Variants in KLF8 observed in about 807,000 individuals in gnomAD.
The protein encoded by KLF8 is KLF transcription factor 8, also known as Krueppel-like factor 8.
Under a neutral mutation model 18.2 loss-of-function variants are expected in KLF8, and 10 were observed. The observed-to-expected ratio is 0.55, with a 90% CI of 0.34 to 0.93. The LOEUF (loss-of-function observed/expected upper bound fraction) is 0.93. Among genes scored for constraint, KLF8 ranks in the 40% least tolerant of loss-of-function variants. KLF8 has a pLI of 0.02. For missense variants in KLF8, 264 were observed against 277.9 expected, an observed-to-expected ratio of 0.95 and a Z score of 0.36; for synonymous variants, 109 against 97.3, an observed-to-expected ratio of 1.12 and a Z score of -0.71.
At chrX:56,280,414 T>G (rs1311706038) in intron 5 of KLF8, among the ~76,000 whole-genome samples, 1 of 111,612 alleles carries the variant, frequency 9.0e-6, no homozygotes, top group Non-Finnish European at 1.9e-5. Flanking sequence ...TGTTTATTTT[T>G]TTGTAGAAAT....
At chrX:55,940,329 C>A in the KLF8 span, among the ~76,000 whole-genome samples, 4 of 111,568 alleles carry the variant, frequency 3.6e-5, no homozygotes, top group East Asian at 5.6e-4. Flanking sequence ...ATTCAACAAC[C>A]CTTCATGCTA....
At chrX:56,088,745 G>A in the KLF8 span, among the ~76,000 whole-genome samples, 2 of 111,237 alleles carry the variant, frequency 1.8e-5, no homozygotes, top group Non-Finnish European at 3.8e-5. Flanking sequence ...ATTGTACAGA[G>A]CCTTTCTCAC....
the KLF8 span, among the ~76,000 whole-genome samples, chrX:56,207,204 C>T: frequency 8.9e-6 from 1 of 112,553 alleles, no homozygotes. Context: ...CTCTGACATG[C>T]CCTGGAGACA....
the KLF8 span, among the ~76,000 whole-genome samples, chrX:56,031,672 C>T: frequency 2.7e-5 from 3 of 111,696 alleles, no homozygotes; most frequent in Admixed American, 9.5e-5. Flanking sequence ...GGGGCTGCCT[C>T]GGCTGTCCAT....
At chrX:56,050,269 C>T in the KLF8 span, among the ~76,000 whole-genome samples, 11 of 111,683 alleles carry the variant, frequency 9.8e-5, no homozygotes, top group African/African-American at 3.6e-4. Context: ...CTATTTCCTT[C>T]AGTTCTGCTG....
chrX:56,090,247 G>T, the KLF8 span, among the ~76,000 whole-genome samples: 2 of 111,906 alleles, frequency 1.8e-5, no homozygotes, highest in African/African-American at 6.5e-5. Context: ...TTTAGTATAT[G>T]ACAAATAGAG....
the KLF8 span, among the ~76,000 whole-genome samples, chrX:56,180,800 A>C: frequency 8.9e-6 from 1 of 112,055 alleles, no homozygotes; most frequent in Non-Finnish European, 1.9e-5. Context: ...CCTGAGTTCT[A>C]ATTTGATTGC....
At chrX:56,207,876 G>A in the KLF8 span, among the ~76,000 whole-genome samples, 5 of 110,456 alleles carry the variant, frequency 4.5e-5, no homozygotes, top group East Asian at 5.7e-4. Flanking sequence ...CCCAAGACTG[G>A]GTAATTTATA....
At chrX:55,908,262 C>T in the KLF8 span, 1 of 262,274 alleles carries the variant, frequency 3.8e-6, no homozygotes, top group Non-Finnish European at 6.8e-6. Context: ...TAGCAAACAA[C>T]CTCAGCTTCA....
chrX:56,240,276 C>A (rs1361431045), intron 1 of KLF8, among the ~76,000 whole-genome samples: 1 of 112,086 alleles, frequency 8.9e-6, no homozygotes, highest in East Asian at 2.8e-4. Context: ...TGTCTTGGTG[C>A]TCCTGAGCCA....
chrX:56,065,895 T>A, the KLF8 span, among the ~76,000 whole-genome samples: 1 of 111,954 alleles, frequency 8.9e-6, no homozygotes, highest in Non-Finnish European at 1.9e-5. Context: ...TGGATGTGAA[T>A]GCCAAGTATG....
At chrX:56,211,789 A>G in the KLF8 span, among the ~76,000 whole-genome samples, 2 of 110,913 alleles carry the variant, frequency 1.8e-5, no homozygotes, top group Admixed American at 1.9e-4. Context: ...AAGGCAAAAG[A>G]TCCTAGAGCC....
intron 2 of KLF8, among the ~76,000 whole-genome samples, chrX:56,260,032 C>T (rs1353274103): frequency 9.0e-6 from 1 of 110,917 alleles, no homozygotes; most frequent in Non-Finnish European, 1.9e-5. Flanking sequence ...TTCCTTACCT[C>T]TTCCAGCTTC....
At chrX:56,280,106 T>C (rs1045267099) in intron 5 of KLF8, among the ~76,000 whole-genome samples, 1 of 112,228 alleles carries the variant, frequency 8.9e-6, no homozygotes, top group South Asian at 3.7e-4. Flanking sequence ...TTTGCAATCA[T>C]ACAAAGCAGG....
chrX:56,086,124 T>A, the KLF8 span, among the ~76,000 whole-genome samples: 2 of 112,097 alleles, frequency 1.8e-5, no homozygotes, highest in Admixed American at 1.9e-4. Context: ...CTTACTAGGA[T>A]TTGGGCTTCT....
At chrX:56,119,191 C>T in the KLF8 span, among the ~76,000 whole-genome samples, 1 of 111,531 alleles carries the variant, frequency 9.0e-6, no homozygotes, top group South Asian at 3.9e-4. Context: ...GCCTTCTTTC[C>T]TCCTACTGGG....
At chrX:55,944,452 A>G in the KLF8 span, among the ~76,000 whole-genome samples, 1 of 109,721 alleles carries the variant, frequency 9.1e-6, no homozygotes, top group Non-Finnish European at 1.9e-5. Context: ...CTGTGAATCC[A>G]TCTGGTCCTG....
the KLF8 span, among the ~76,000 whole-genome samples, chrX:56,196,255 C>T: frequency 1.8e-5 from 2 of 111,076 alleles, no homozygotes; most frequent in Non-Finnish European, 3.8e-5. Context: ...TGTAAATGGG[C>T]TAAATGCCCC....
At chrX:56,046,389 T>A in the KLF8 span, among the ~76,000 whole-genome samples, 1 of 111,604 alleles carries the variant, frequency 9.0e-6, no homozygotes, top group East Asian at 2.8e-4. Context: ...TTTGGAACAC[T>A]TAGCTCATTT....
Sources: gnomAD v4.1 joint callset for allele counts (sites outside exome capture counted in the v4.1 genomes callset) on GRCh38, gnomAD v4.1.1 for gene constraint, MANE v1.5 for transcripts, NCBI Gene and HGNC (gene_info 2026-07-23, HGNC 2026-07-21) for gene names.